The following KDM3A variants were observed in gnomAD, a reference collection of about 807,000 sequenced individuals.
KDM3A encodes the protein lysine demethylase 3A.
KDM3A carries 60 observed loss-of-function variants against 158.0 expected under a neutral mutation model. The observed-to-expected ratio is 0.38, with a 90% CI of 0.31 to 0.47. The LOEUF (loss-of-function observed/expected upper bound fraction) is 0.47, where lower values mean the gene tolerates loss of function less well. Ranked by LOEUF, KDM3A falls within the 20% of genes least tolerant of loss-of-function variation. KDM3A has a pLI of 0.99. For synonymous variants in KDM3A, 608 were observed against 549.3 expected, an observed-to-expected ratio of 1.11 and a Z score of -1.49; for missense variants, 1,319 against 1,574.3, an observed-to-expected ratio of 0.84 and a Z score of 2.74.
At chr2:86,457,554 A>G (rs1647347313) in intron 8 of KDM3A, among the ~76,000 whole-genome samples, 1 of 152,130 alleles carries the variant, frequency 6.6e-6, no homozygotes, top group African/African-American at 2.4e-5. Flanking sequence ...ATGGTTCACT[A>G]TTTTATGTAA....
intron 10 of KDM3A, among the ~76,000 whole-genome samples, chr2:86,467,730 A>C (rs1673220052): frequency 6.6e-6 from 1 of 152,198 alleles, no homozygotes; most frequent in Non-Finnish European, 1.5e-5. Flanking sequence ...GGATTTTGTT[A>C]ATGTTTTAGG....
chr2:86,457,987 G>C (rs1048271882), intron 8 of KDM3A, among the ~76,000 whole-genome samples: 3 of 152,096 alleles, frequency 2.0e-5, no homozygotes, highest in Non-Finnish European at 2.9e-5. Flanking sequence ...GGCACCTTAG[G>C]AATCCAAATG....
chr2:86,475,500 G>T (rs991593564), intron 12 of KDM3A, among the ~76,000 whole-genome samples: 1 of 152,206 alleles, frequency 6.6e-6, no homozygotes, highest in African/African-American at 2.4e-5. Flanking sequence ...GCATGTGCTT[G>T]TGTCTTCCCC....
chr2:86,460,296 A>T (rs781211343), intron 8 of KDM3A, among the ~76,000 whole-genome samples: 3 of 152,142 alleles, frequency 2.0e-5, no homozygotes, highest in Non-Finnish European at 4.4e-5. Context: ...TATTATAACT[A>T]TTATTCCATA....
chr2:86,441,949 C>T lies in KDM3A; in HGVS notation c.-30-69C>T, dbSNP rs1031386854. The T allele has an allele frequency of 3.1e-5, 38 of 1,212,810 alleles. No homozygotes were observed. The East Asian group carries it at 3.1e-4, about 10-fold the overall frequency. The allele number at this position is 1,212,810 out of a possible 1,614,324, so 75.1% of individuals were successfully genotyped here. A position where few individuals can be genotyped will look rare whatever the true frequency, so the allele number is the denominator to read the frequency against. Reference sequence around the variant, plus strand: ...GGGTTCGGCGCCCTCCGCCCGCCCTCCCTGCTGTCTCCGCCCGGCCCCCTC... The same window carrying T: ...GGGTTCGGCGCCCTCCGCCCGCCCTTCCTGCTGTCTCCGCCCGGCCCCCTC... On this transcript the variant is annotated intron_variant, in intron 1 of 25. Transcript: ENST00000312912.
intron 2 of KDM3A, among the ~76,000 whole-genome samples, chr2:86,447,014 G>T (rs1395418455): frequency 6.6e-6 from 1 of 152,088 alleles, no homozygotes; most frequent in Admixed American, 6.6e-5. Flanking sequence ...GTTTCCCCAC[G>T]TTGCCTTGGC....
intron 18 of KDM3A, chr2:86,482,994 A>AG (rs1233990884): frequency 2.7e-6 from 1 of 374,940 alleles, no homozygotes; most frequent in African/African-American, 2.1e-5. Context: ...AGAGGAAGTG[A>AG]GGGTGTGACT....
rs573431130 is a variant in KDM3A at position 86,479,073 on chromosome 2, AATT to A, written c.2316+343_2316+345del. 8 of 168,578 alleles carry A rather than the reference AATT, an allele frequency of 4.7e-5. No individual in the cohort carries two copies. In the South Asian group the frequency reaches 7.4e-4, roughly 16 times the overall value. The allele number at this position is 168,578 out of a possible 1,614,324, so 10.4% of individuals were successfully genotyped here. On this transcript the variant is annotated intron_variant, in intron 15 of 25. Coordinates refer to ENST00000312912, the MANE Select transcript of KDM3A (RefSeq NM_018433.6). ...TTTTTTGTGTATTTTGCAGAATTAA[AATT>A]ATTAAGATAAGCTTTAACATTTTTA...
At position 86,474,655 on chromosome 2, in the gene KDM3A, C is replaced by A. The variant is rs1311375408; in HGVS notation, c.1725-121C>A. On this transcript the variant is annotated intron_variant, in intron 11 of 25. Coordinates refer to ENST00000312912, the MANE Select transcript of KDM3A (RefSeq NM_018433.6). ...CTCCAGCCTGGGTGACAGAGCGAGACTCCATCCCAAAAAAAAAAAAAAAGT... is the reference window on the plus strand; with the variant it reads ...CTCCAGCCTGGGTGACAGAGCGAGAATCCATCCCAAAAAAAAAAAAAAAGT... The A allele has an allele frequency of 6.1e-6, 4 of 659,032 alleles. No homozygotes were observed. The African/African-American group carries it at 7.6e-5, about 13-fold the overall frequency. 40.8% of individuals were successfully genotyped at this position (659,032 alleles called of 1,614,324 possible). A position where few individuals can be genotyped will look rare whatever the true frequency, so the allele number is the denominator to read the frequency against.
chr2:86,441,060 CT>C (rs929647434), upstream of KDM3A: 27 of 151,818 alleles, frequency 1.8e-4, no homozygotes, highest in South Asian at 8.4e-4. Context: ...TTTCGCGGGA[CT>C]TTTTTTTTGC....
rs1050778927 is a variant in KDM3A, at chr2:86,441,418, C to A, written c.-57C>A. The A allele has an allele frequency of 4.6e-5, 7 of 152,340 alleles. No homozygotes were observed. The highest frequency in any genetic ancestry group is 1.7e-4 in the African/African-American group (7 of 41,432). 9.4% of individuals were successfully genotyped at this position (152,340 alleles called of 1,614,324 possible). A position where few individuals can be genotyped will look rare whatever the true frequency, so the allele number is the denominator to read the frequency against. Reference sequence around the variant, plus strand: ...GGCGGCTGGAAACGGCGGCTGCCGCCGGTGACTCAGGGAGGCGGGAGGCGG... The same window carrying A: ...GGCGGCTGGAAACGGCGGCTGCCGCAGGTGACTCAGGGAGGCGGGAGGCGG... On this transcript the variant is annotated 5_prime_UTR_variant, in exon 1 of 26. Coordinates refer to ENST00000312912, the MANE Select transcript of KDM3A (RefSeq NM_018433.6).
chr2:86,470,439 C>T (rs1217737366), intron 11 of KDM3A, 31 bp downstream of exon 11: 5 of 1,573,042 alleles, frequency 3.2e-6, no homozygotes, highest in Non-Finnish European at 2.6e-6. Flanking sequence ...TTCAGATAAT[C>T]TGGGCATACT....
Position 86,484,797 on chromosome 2 carries a change from T to C in KDM3A, c.3095-145T>C, listed in dbSNP as rs868187550. ...AGGGGAAAATTAAGGAAAAGTAATA[T>C]TTGTATACTAAATTTATCAGGTTAT... On this transcript the variant is annotated intron_variant, in intron 19 of 25. Transcript: ENST00000312912. The C allele has an allele frequency of 2.2e-5, 12 of 555,266 alleles. 1 individual carries two copies. The Middle Eastern group carries it at 2.6e-3, about 119-fold the overall frequency. 34.4% of individuals were successfully genotyped at this position (555,266 alleles called of 1,614,324 possible). A position where few individuals can be genotyped will look rare whatever the true frequency, so the allele number is the denominator to read the frequency against.
At chr2:86,440,887 C>T (rs907901915), upstream of KDM3A, 2 of 152,408 alleles carry the variant, frequency 1.3e-5, no homozygotes, top group East Asian at 1.9e-4. Context: ...CCGCCCTCAC[C>T]CTTTCCTGTG....
intron 11 of KDM3A, among the ~76,000 whole-genome samples, chr2:86,471,007 A>G (rs111867345): frequency 2.4e-4 from 36 of 152,250 alleles, no homozygotes; most frequent in African/African-American, 8.4e-4. Context: ...GAGGATTACT[A>G]GAAGTGGCAT....
intron 18 of KDM3A, 131 bp from the exon 19 acceptor site, chr2:86,483,856 T>G: frequency 1.4e-6 from 1 of 712,642 alleles, no homozygotes; most frequent in Non-Finnish European, 2.3e-6. Flanking sequence ...GCCGAAACTG[T>G]CACATCACCA....
chr2:86,458,785 G>A (rs892720614), intron 8 of KDM3A, among the ~76,000 whole-genome samples: 5 of 152,128 alleles, frequency 3.3e-5, no homozygotes, highest in Non-Finnish European at 7.4e-5. Flanking sequence ...AGGAAGTTTG[G>A]GTTTTATGCT....
intron 12 of KDM3A, among the ~76,000 whole-genome samples, chr2:86,476,712 T>G (rs1045003076): frequency 6.6e-6 from 1 of 152,226 alleles, no homozygotes; most frequent in Non-Finnish European, 1.5e-5. Context: ...GTTCATAAAA[T>G]CTCATTTGTA....
rs142575011 is a variant in KDM3A, at chr2:86,447,000, C to T, written c.187-2807C>T. Among the ~76,000 whole-genome samples the T allele has an allele frequency of 3.0e-4, 45 of 152,226 alleles. No individual in the cohort carries two copies. The East Asian group carries it at 5.6e-3, about 19-fold the overall frequency. ...TTAATTTTTGTATTTTTTGTAGAGACGAAGTTTCCCCACGTTGCCTTGGCT... is the reference window on the plus strand; with the variant it reads ...TTAATTTTTGTATTTTTTGTAGAGATGAAGTTTCCCCACGTTGCCTTGGCT... On this transcript the variant is annotated intron_variant, in intron 2 of 25. Coordinates refer to ENST00000312912, the MANE Select transcript of KDM3A (RefSeq NM_018433.6).
Sources: gnomAD v4.1 joint callset for allele counts (sites outside exome capture counted in the v4.1 genomes callset) on GRCh38, gnomAD v4.1.1 for gene constraint, MANE v1.5 for transcripts, NCBI Gene and HGNC (gene_info 2026-07-23, HGNC 2026-07-21) for gene names.